Variants in SCIN observed in about 807,000 individuals in gnomAD.
The protein encoded by SCIN is scinderin.
Under a neutral mutation model 91.8 loss-of-function variants are expected in SCIN, and 91 were observed. That is an observed-to-expected ratio of 0.99 (90% CI 0.84 to 1.18). SCIN has a LOEUF of 1.18. Among genes scored for constraint, SCIN ranks in the 50% most tolerant of loss-of-function variants. SCIN has a pLI of 0.00. For missense variants in SCIN, 1,087 were observed against 863.9 expected, an observed-to-expected ratio of 1.26 and a Z score of -3.24; for synonymous variants, 367 against 312.6, an observed-to-expected ratio of 1.17 and a Z score of -1.84.
intron 9 of SCIN, among the ~76,000 whole-genome samples, chr7:12,630,695 T>C (rs972361102): frequency 6.6e-6 from 1 of 152,248 alleles, no homozygotes; most frequent in Admixed American, 6.5e-5. Flanking sequence ...GATGTTTCCT[T>C]GTATTTTTTA....
At chr7:12,608,329 A>G (rs2115254878) in intron 4 of SCIN, among the ~76,000 whole-genome samples, 1 of 151,812 alleles carries the variant, frequency 6.6e-6, no homozygotes, top group East Asian at 1.9e-4. Flanking sequence ...ATGCACACAC[A>G]CACACACACA....
chr7:12,572,202 A>G (rs1258289656), intron 1 of SCIN, among the ~76,000 whole-genome samples: 3 of 152,238 alleles, frequency 2.0e-5, no homozygotes, highest in Non-Finnish European at 4.4e-5. Flanking sequence ...GTAGATGAAG[A>G]TAAGACTTTT....
At position 12,653,821 on chromosome 7, in the gene SCIN, C is replaced by A. The variant is rs1405888833; in HGVS notation, c.*1106C>A. 2 of 152,182 alleles carry A rather than the reference C, an allele frequency of 1.3e-5. No homozygotes were observed. The highest frequency in any genetic ancestry group is 4.8e-5 in the African/African-American group (2 of 41,440). The allele number at this position is 152,182 out of a possible 1,614,324, so 9.4% of individuals were successfully genotyped here. A position where few individuals can be genotyped will look rare whatever the true frequency, so the allele number is the denominator to read the frequency against. On this transcript the variant is annotated 3_prime_UTR_variant, in exon 16 of 16. Transcript: ENST00000297029. This position sits in a 1 kb window ranked among gnomAD's most constrained non-coding sequence, Gnocchi z 4.1. ...TTTGTCCTGCAAGATTTCAGCAAAG[C>A]TACAGAAAAGTGAGTTTTTATGTTT...
chr7:12,643,779 T>C (rs1232174913), intron 11 of SCIN, among the ~76,000 whole-genome samples: 1 of 152,198 alleles, frequency 6.6e-6, no homozygotes, highest in Non-Finnish European at 1.5e-5. Context: ...CTCCTCCGTC[T>C]CAGCTGCTCC....
In SCIN at chr7:12,659,596, T is replaced by A. The variant is rs527391921; in HGVS notation, c.*6881T>A. The A allele has an allele frequency of 6.6e-6, 1 of 152,428 alleles. No individual in the cohort carries two copies. The highest frequency in any genetic ancestry group is 1.5e-5 in the Non-Finnish European group (1 of 68,120). 9.4% of individuals were successfully genotyped at this position (152,428 alleles called of 1,614,324 possible). ...ATCCAGGGGAAGAAAATGGCGTACA[T>A]AACTTATATACCATATTTAACCCAG... On this transcript the variant is annotated 3_prime_UTR_variant, in exon 16 of 16. Coordinates refer to ENST00000297029, the MANE Select transcript of SCIN (RefSeq NM_001112706.3).
chr7:12,604,486 G>A, intron 3 of SCIN, 28 bp from the exon 4 acceptor site: 1 of 1,547,706 alleles, frequency 6.5e-7, no homozygotes, highest in Non-Finnish European at 8.7e-7. Context: ...ATATTCTTAG[G>A]GTCAACAGAT....
At chr7:12,626,944 G>A (rs1783538071) in intron 8 of SCIN, 145 bp downstream of exon 8, 1 of 721,892 alleles carries the variant, frequency 1.4e-6, no homozygotes, top group South Asian at 1.9e-5. Flanking sequence ...ACAAAAATTA[G>A]CCAGGTGTGA....
intron 4 of SCIN, among the ~76,000 whole-genome samples, chr7:12,612,043 CTGTACTT>C (rs201661125): frequency 0.011 from 1,619 of 151,890 alleles, 26 homozygotes; most frequent in African/African-American, 0.038. Context: ...AGTCGAAACT[CTGTACTT>C]TGTAAGAATG....
At position 12,626,337 on chromosome 7, in the gene SCIN, C is replaced by T. The variant is rs192607445; in HGVS notation, c.982-247C>T. ...TCCAGGTCACAGAGCTCTTGTGAAC[C>T]TTATGTAGAAAGACAAACTTATTTT... On this transcript the variant is annotated intron_variant, in intron 7 of 15. Transcript: ENST00000297029. 1.7e-3 allele frequency: 791 copies of T among 474,586 alleles called. 8 individuals carry two copies. Among genetic ancestry groups the T allele is most frequent in the East Asian group, 9.7e-3 (256 of 26,494 alleles). 29.4% of individuals were successfully genotyped at this position (474,586 alleles called of 1,614,324 possible).
Position 12,626,687 on chromosome 7 carries a change from C to A in SCIN, c.1085C>A (p.Thr362Lys). Residue 362 changes from threonine to lysine, a missense_variant, in exon 8 of 16, where the codon ACA becomes AAA. Physicochemically the swap from Thr to Lys is moderately conservative, Grantham distance 78 (BLOSUM62 -1). Coordinates refer to ENST00000297029, the MANE Select transcript of SCIN (RefSeq NM_001112706.3). ...GATGGCTTCGGGAAAGTTTATGTCA[C>A]AGAGAAAGTGGCTCAAATAAAACAA... Reference protein sequence around the residue: ...QSDGFGKVYVTEKVAQIKQIP... With the variant: ...QSDGFGKVYVKEKVAQIKQIP... The A allele has an allele frequency of 1.9e-6, 3 of 1,583,954 alleles. No homozygotes were observed. The highest frequency in any genetic ancestry group is 2.6e-6 in the Non-Finnish European group (3 of 1,164,300).
intron 1 of SCIN, 135 bp downstream of exon 1, chr7:12,571,120 C>T (rs1054829051): frequency 9.1e-6 from 9 of 993,496 alleles, no homozygotes; most frequent in Non-Finnish European, 5.7e-6. Flanking sequence ...ACGGGGCTGC[C>T]CTTTGGGGCC....
chr7:12,613,082 A>G (rs192600347), intron 4 of SCIN, among the ~76,000 whole-genome samples: 17 of 152,252 alleles, frequency 1.1e-4, no homozygotes, highest in African/African-American at 3.9e-4. Context: ...GGGGAGAGGG[A>G]TGGATCTTTG....
intron 8 of SCIN, among the ~76,000 whole-genome samples, chr7:12,627,366 C>G (rs541037497): frequency 1.3e-5 from 2 of 152,040 alleles, no homozygotes; most frequent in African/African-American, 4.8e-5. Context: ...ACAAGCCATA[C>G]CTTTTCTGAG....
At chr7:12,589,465 C>G (rs1057456698) in intron 3 of SCIN, 1 of 152,276 alleles carries the variant, frequency 6.6e-6, no homozygotes, top group Non-Finnish European at 1.5e-5. Context: ...CCTCGTGATC[C>G]GCCCGCCTCA....
In SCIN at chr7:12,636,372, G is replaced by T. The variant is rs1392227156; in HGVS notation, c.1410+237G>T. 2.6e-5 allele frequency among the ~76,000 whole-genome samples: 4 copies of T among 152,096 alleles called. No individual in the cohort carries two copies. The East Asian group carries it at 7.7e-4, about 29-fold the overall frequency. On this transcript the variant is annotated intron_variant, in intron 10 of 15. Coordinates refer to ENST00000297029, the MANE Select transcript of SCIN (RefSeq NM_001112706.3). ...TATCAACAGGTGTAAGATTCCAAAA[G>T]AATCTTCCCAATAGAATCACACCCT... is the stretch of plus-strand genomic sequence containing the variant.
chr7:12,572,577 G>A (rs1213893768), intron 1 of SCIN, among the ~76,000 whole-genome samples: 1 of 152,128 alleles, frequency 6.6e-6, no homozygotes, highest in African/African-American at 2.4e-5. Flanking sequence ...TCAGATGACC[G>A]CAAGGGAGAT....
chr7:12,629,199 CAGAGGACAG>C lies in SCIN; in HGVS notation c.1298_1306del (p.Arg433_Gln435del). ...GCTACATCATACTCTACACCTATCC[CAGAGGACAG>C]ATTATCTACACGTGGTGAGTTTATA... On this transcript the variant is annotated inframe_deletion, in exon 9 of 16. Coordinates refer to ENST00000297029, the MANE Select transcript of SCIN (RefSeq NM_001112706.3). 1 of 1,611,874 alleles carries C rather than the reference CAGAGGACAG, an allele frequency of 6.2e-7. No homozygotes were observed. Among genetic ancestry groups the C allele is most frequent in the Non-Finnish European group, 8.5e-7 (1 of 1,179,198 alleles).
intron 3 of SCIN, among the ~76,000 whole-genome samples, chr7:12,604,159 T>C (rs1783022845): frequency 6.6e-6 from 1 of 152,154 alleles, no homozygotes; most frequent in South Asian, 2.1e-4. Context: ...ATATCCATTT[T>C]ATGATCATCA....
At chr7:12,636,852 G>T (rs1412950679) in intron 10 of SCIN, among the ~76,000 whole-genome samples, 1 of 151,896 alleles carries the variant, frequency 6.6e-6, no homozygotes, top group Admixed American at 6.6e-5. Context: ...ACCCTAATTT[G>T]ATCACTATAC....
Sources: allele counts gnomAD v4.1 joint callset (sites outside exome capture counted in the v4.1 genomes callset), GRCh38; gene constraint gnomAD v4.1.1; non-coding constraint Gnocchi (gnomAD v3.1); transcripts MANE v1.5; gene names NCBI Gene and HGNC (gene_info 2026-07-23, HGNC 2026-07-21).